The following DIAPH2 variants were observed in gnomAD, a reference collection of about 807,000 sequenced individuals.
DIAPH2 encodes diaphanous related formin 2.
In DIAPH2, 35 loss-of-function variants were observed where a neutral mutation model predicts 92.7. The observed-to-expected ratio is 0.38, with a 90% CI of 0.29 to 0.50. DIAPH2 has a LOEUF of 0.50. Among genes scored for constraint, DIAPH2 ranks in the 20% least tolerant of loss-of-function variants. The pLI is 0.94. For synonymous variants in DIAPH2, 301 were observed against 280.4 expected (o/e 1.07, Z -0.73); for missense variants, 701 against 819.5 (o/e 0.86, Z 1.77).
At chrX:97,364,517 G>A in intron 24 of DIAPH2, among the ~76,000 whole-genome samples, 1 of 111,928 alleles carries the variant, frequency 8.9e-6, no homozygotes, top group Admixed American at 9.5e-5. Context: ...GTCTACAGGG[G>A]GTTACCCCAA....
At chrX:97,053,332 G>A (rs1012231982) in intron 17 of DIAPH2, among the ~76,000 whole-genome samples, 15 of 111,318 alleles carry the variant, frequency 1.3e-4, no homozygotes, top group East Asian at 5.7e-4. Flanking sequence ...TTATCTGTAC[G>A]TTTTAAATTA....
chrX:97,052,641 G>A (rs896885401), intron 17 of DIAPH2, among the ~76,000 whole-genome samples: 17 of 111,192 alleles, frequency 1.5e-4, no homozygotes, highest in Admixed American at 1.2e-3. Flanking sequence ...ATGCCTTTGG[G>A]AATGAAGATG....
In DIAPH2 at chrX:96,930,723, C is replaced by T; in HGVS notation, c.979-10C>T. ...GTTTTTTTAAAACAAAATTTGCTTT[C>T]TAATTGCAGGTGGCCTGCATGCAGT... On this transcript the variant is annotated splice_polypyrimidine_tract_variant and intron_variant, in intron 9 of 26. Coordinates refer to ENST00000324765, the MANE Select transcript of DIAPH2 (RefSeq NM_006729.5). 2.5e-6 allele frequency: 3 copies of T among 1,188,578 alleles called. No homozygotes were observed. Among genetic ancestry groups the T allele is most frequent in the Non-Finnish European group, 3.4e-6 (3 of 884,064 alleles).
At chrX:97,408,332 C>T (rs2069831181) in intron 25 of DIAPH2, among the ~76,000 whole-genome samples, 1 of 111,052 alleles carries the variant, frequency 9.0e-6, no homozygotes, top group Non-Finnish European at 1.9e-5. Context: ...AAGGCAATAC[C>T]ACCCAATATA....
chrX:96,966,940 CATT>C (rs1170328832), intron 17 of DIAPH2, among the ~76,000 whole-genome samples: 7 of 111,859 alleles, frequency 6.3e-5, no homozygotes, highest in African/African-American at 1.9e-4. Context: ...AATGGTAAAT[CATT>C]GTTGTTATAA....
intron 22 of DIAPH2, among the ~76,000 whole-genome samples, chrX:97,143,921 T>G (rs190264052): frequency 8.9e-6 from 1 of 112,236 alleles, no homozygotes; most frequent in Non-Finnish European, 1.9e-5. Context: ...ATGTTTTTAC[T>G]CATATGCAGG....
chrX:97,483,399 AAGAG>A (rs34255874), intron 26 of DIAPH2, among the ~76,000 whole-genome samples: 1 of 106,917 alleles, frequency 9.4e-6, no homozygotes, highest in Admixed American at 1.0e-4. Flanking sequence ...AAGGGGGCAA[AAGAG>A]AGAGAGAGAG....
intron 5 of DIAPH2, among the ~76,000 whole-genome samples, chrX:96,897,067 A>G (rs984301486): frequency 1.8e-5 from 2 of 112,099 alleles, no homozygotes; most frequent in Non-Finnish European, 3.8e-5. Flanking sequence ...AATTTCATTT[A>G]AACAGAAGGT....
intron 4 of DIAPH2, among the ~76,000 whole-genome samples, chrX:96,790,646 A>G (rs750706354): frequency 9.0e-6 from 1 of 111,608 alleles, no homozygotes. Flanking sequence ...TAAAGAGGGA[A>G]AAAAAATCCT....
At chrX:97,576,514 G>A (rs968182652) in intron 26 of DIAPH2, among the ~76,000 whole-genome samples, 2 of 111,234 alleles carry the variant, frequency 1.8e-5, no homozygotes, top group Non-Finnish European at 3.8e-5. Flanking sequence ...GAGTTTCATG[G>A]AAAGAATAAT....
chrX:96,925,136 A>G (rs891527068), intron 9 of DIAPH2, among the ~76,000 whole-genome samples: 2 of 110,633 alleles, frequency 1.8e-5, no homozygotes, highest in Admixed American at 9.6e-5. Context: ...CTCATATGTG[A>G]TGTCTTTATC....
At chrX:96,771,993 C>T (rs1015033978) in intron 4 of DIAPH2, among the ~76,000 whole-genome samples, 27 of 110,450 alleles carry the variant, frequency 2.4e-4, no homozygotes, top group Admixed American at 5.8e-4. Context: ...GCCGAGATGG[C>T]GCCACTGCCC....
intron 26 of DIAPH2, among the ~76,000 whole-genome samples, chrX:97,585,410 T>C (rs2071473170): frequency 9.0e-6 from 1 of 110,625 alleles, no homozygotes; most frequent in South Asian, 3.9e-4. Flanking sequence ...TCTGTTCTTT[T>C]CTATTTATCT....
At chrX:97,490,616 C>T (rs1195051138) in intron 26 of DIAPH2, among the ~76,000 whole-genome samples, 1 of 109,079 alleles carries the variant, frequency 9.2e-6, no homozygotes, top group Non-Finnish European at 1.9e-5. Context: ...TTCATTTTTG[C>T]ATGTCTTAAG....
intron 24 of DIAPH2, among the ~76,000 whole-genome samples, chrX:97,381,627 G>A (rs912810867): frequency 9.0e-6 from 1 of 111,632 alleles, no homozygotes; most frequent in African/African-American, 3.2e-5. Flanking sequence ...AGGCATCATA[G>A]TAGTGAAAAT....
At chrX:97,177,320 T>C (rs1309477639) in intron 22 of DIAPH2, among the ~76,000 whole-genome samples, 1 of 111,876 alleles carries the variant, frequency 8.9e-6, no homozygotes, top group Non-Finnish European at 1.9e-5. Context: ...TTTCAATAAT[T>C]AGTCAAATAG....
rs1175327622 is a variant in DIAPH2 at position 97,604,860 on chromosome X, C to T, written c.*5543C>T. ...ACCAAGCCACCCTGAAGAAGTATTT[C>T]ACTTGCAGTAGAACTGTGGATTTGT... On this transcript the variant is annotated 3_prime_UTR_variant, in exon 27 of 27. Transcript: ENST00000324765. 8.9e-6 allele frequency: 1 copy of T among 112,088 alleles called. No individual in the cohort carries two copies. The highest frequency in any genetic ancestry group is 1.9e-5 in the Non-Finnish European group (1 of 53,271). 9.2% of individuals were successfully genotyped at this position (112,088 alleles called of 1,213,427 possible).
At chrX:97,118,932 C>G (rs1010318222) in intron 21 of DIAPH2, among the ~76,000 whole-genome samples, 3 of 112,209 alleles carry the variant, frequency 2.7e-5, no homozygotes, top group Non-Finnish European at 5.6e-5. Flanking sequence ...TTGAATATTT[C>G]TTGAATATTT....
chrX:96,701,355 A>C (rs1308473737), intron 1 of DIAPH2, among the ~76,000 whole-genome samples: 3 of 111,716 alleles, frequency 2.7e-5, no homozygotes, highest in Non-Finnish European at 5.6e-5. Context: ...TAAAGTAGTA[A>C]ATTCTATAAT....
Sources: gnomAD v4.1 joint callset for allele counts (sites outside exome capture counted in the v4.1 genomes callset) on GRCh38, gnomAD v4.1.1 for gene constraint, MANE v1.5 for transcripts, NCBI Gene and HGNC (gene_info 2026-07-23, HGNC 2026-07-21) for gene names.